The following ZCCHC17 variants were observed in gnomAD, a reference collection of about 807,000 sequenced individuals.
The protein encoded by ZCCHC17 is zinc finger CCHC-type containing 17.
ZCCHC17 carries 18 observed loss-of-function variants against 30.6 expected under a neutral mutation model. That is an observed-to-expected ratio of 0.59 (90% confidence interval 0.41 to 0.87). ZCCHC17 has a LOEUF of 0.87. ZCCHC17 is among the 40% of genes least tolerant of loss of function. The probability of loss-of-function intolerance (pLI) is 0.00; values close to 1 mark genes in which losing one functional copy is unlikely to be tolerated. For synonymous variants in ZCCHC17, 88 were observed against 92.4 expected, an observed-to-expected ratio of 0.95 and a Z score of 0.27; for missense variants, 263 against 284.2, an observed-to-expected ratio of 0.93 and a Z score of 0.54.
chr1:31,308,694 A>G (rs1569753938), intron 1 of ZCCHC17, among the ~76,000 whole-genome samples: 1 of 152,206 alleles, frequency 6.6e-6, no homozygotes, highest in Admixed American at 6.5e-5. Flanking sequence ...TAAGATCAGG[A>G]GGCTGAGCAA....
At chr1:31,320,600 C>T (rs1646838774) in intron 3 of ZCCHC17, among the ~76,000 whole-genome samples, 1 of 152,228 alleles carries the variant, frequency 6.6e-6, no homozygotes, top group East Asian at 1.9e-4. Flanking sequence ...TGACTTCTTT[C>T]ACTTAGCACG....
At position 31,317,122 on chromosome 1, in the gene ZCCHC17, T is replaced by C. The variant is rs547779320; in HGVS notation, c.67-1987T>C. The stretch of plus-strand genomic sequence containing the variant: ...CTCACTCAACCTCTGCTTCCCAGGT[T>C]CAAGTGATTTTTCTGTCTCAGCCTC... On this transcript the variant is annotated intron_variant, in intron 2 of 7. Transcript: ENST00000344147. Among the ~76,000 whole-genome samples the C allele has an allele frequency of 3.3e-5, 5 of 151,696 alleles. No homozygotes were observed. The East Asian group carries it at 7.8e-4, about 24-fold the overall frequency.
At chr1:31,341,310 T>G in intron 5 of ZCCHC17, among the ~76,000 whole-genome samples, 1 of 152,140 alleles carries the variant, frequency 6.6e-6, no homozygotes, top group East Asian at 1.9e-4. Flanking sequence ...CAAGTTAGTG[T>G]TGGGAAAAGG....
chr1:31,333,116 T>G (rs1043577916), intron 3 of ZCCHC17: 1 of 152,234 alleles, frequency 6.6e-6, no homozygotes, highest in Non-Finnish European at 1.5e-5. Flanking sequence ...ATAATCATTT[T>G]AAGTTGTTTC....
chr1:31,305,482 G>T (rs1646429721), intron 1 of ZCCHC17, among the ~76,000 whole-genome samples: 1 of 152,074 alleles, frequency 6.6e-6, no homozygotes. Flanking sequence ...TAGAGATAGG[G>T]TTTTACCGTG....
chr1:31,301,717 G>C (rs1051602039), intron 1 of ZCCHC17, among the ~76,000 whole-genome samples: 1 of 152,216 alleles, frequency 6.6e-6, no homozygotes, highest in South Asian at 2.1e-4. Flanking sequence ...TGGCCTAAGA[G>C]TAATAGGTTT....
chr1:31,362,262 T>C lies in ZCCHC17; in HGVS notation c.565-1770T>C, dbSNP rs955532077. 3.3e-5 allele frequency among the ~76,000 whole-genome samples: 5 copies of C among 152,192 alleles called. 1 individual carries two copies. In the South Asian group the frequency reaches 1.0e-3, roughly 32 times the overall value. ...CCTGCTTCAGTGTTCTTTCCACCATTTTTCACAGCCAGCTTCTAAGACCTG... is the reference window on the plus strand; with the variant it reads ...CCTGCTTCAGTGTTCTTTCCACCATCTTTCACAGCCAGCTTCTAAGACCTG... On this transcript the variant is annotated intron_variant, in intron 7 of 7. Coordinates refer to ENST00000344147, the MANE Select transcript of ZCCHC17 (RefSeq NM_016505.4).
At chr1:31,308,190 CA>C (rs1646513356) in intron 1 of ZCCHC17, among the ~76,000 whole-genome samples, 1 of 152,150 alleles carries the variant, frequency 6.6e-6, no homozygotes, top group Non-Finnish European at 1.5e-5. Flanking sequence ...CAAGAACTGA[CA>C]AATCTGCCTG....
At chr1:31,312,289 T>A (rs1168974578) in intron 2 of ZCCHC17, among the ~76,000 whole-genome samples, 1 of 152,216 alleles carries the variant, frequency 6.6e-6, no homozygotes, top group African/African-American at 2.4e-5. Flanking sequence ...TATACTTGTT[T>A]AATGTCTATC....
chr1:31,330,096 CTTTTG>C (rs1365976119), intron 3 of ZCCHC17, among the ~76,000 whole-genome samples: 9 of 152,118 alleles, frequency 5.9e-5, no homozygotes, highest in Non-Finnish European at 1.2e-4. Context: ...TAACAGTGAC[CTTTTG>C]TTTTGACATT....
chr1:31,346,725 A>G lies in ZCCHC17; in HGVS notation c.403A>G (p.Lys135Glu). 1 of 1,614,160 alleles carries G rather than the reference A, an allele frequency of 6.2e-7. No homozygotes were observed. The highest frequency in any genetic ancestry group is 8.5e-7 in the Non-Finnish European group (1 of 1,180,032). ...LEAVLNTTCK[K>E]CGCKGHFAKD... Reference sequence around the variant, plus strand: ...GGCTGTCTTGAACACTACCTGCAAGAAGTGTGGCTGTAAAGGTAGGGTGAA... The same window carrying G: ...GGCTGTCTTGAACACTACCTGCAAGGAGTGTGGCTGTAAAGGTAGGGTGAA... Residue 135 changes from lysine (K) to glutamate (E), a missense_variant, in exon 6 of 8, where the codon AAG (lysine) becomes GAG (glutamate). Physicochemically the swap from Lys to Glu is moderately conservative, Grantham distance 56 (BLOSUM62 1). Coordinates refer to ENST00000344147, the MANE Select transcript of ZCCHC17 (RefSeq NM_016505.4).
At chr1:31,330,847 C>A (rs1305711619) in intron 3 of ZCCHC17, among the ~76,000 whole-genome samples, 1 of 152,128 alleles carries the variant, frequency 6.6e-6, no homozygotes, top group East Asian at 1.9e-4. Flanking sequence ...TATATGGTGT[C>A]CTCTACTGCA....
chr1:31,355,131 C>G (rs563991438), intron 7 of ZCCHC17, among the ~76,000 whole-genome samples: 2 of 149,864 alleles, frequency 1.3e-5, no homozygotes, highest in South Asian at 4.2e-4. Flanking sequence ...GCCGAGATTG[C>G]GCCACTGCAC....
At chr1:31,339,161 T>A in intron 5 of ZCCHC17, 113 bp downstream of exon 5, 1 of 754,864 alleles carries the variant, frequency 1.3e-6, no homozygotes, top group Non-Finnish European at 2.1e-6. Context: ...GTGATATTGA[T>A]AAGTTACGTA....
In ZCCHC17 at chr1:31,348,713, AC is replaced by A. The variant is rs1232360407; in HGVS notation, c.419-115del. 17 of 1,257,832 alleles carry A rather than the reference AC, an allele frequency of 1.4e-5. No homozygotes were observed. The South Asian group carries it at 2.0e-4, about 15-fold the overall frequency. The allele number at this position is 1,257,832 out of a possible 1,614,324, so 77.9% of individuals were successfully genotyped here. ...TGAATCAAACAGCTGCTTTGAATGA[AC>A]TCAACAATATTTCCTGAGCCAGCTA... is the stretch of plus-strand genomic sequence containing the variant. On this transcript the variant is annotated intron_variant, in intron 6 of 7. Transcript: ENST00000344147.
intron 3 of ZCCHC17, among the ~76,000 whole-genome samples, chr1:31,326,867 C>T (rs1311544693): frequency 6.6e-6 from 1 of 152,144 alleles, no homozygotes; most frequent in Non-Finnish European, 1.5e-5. Flanking sequence ...AGTTTCTCTG[C>T]CCATAAAGAG....
chr1:31,320,016 A>C (rs1044969047), intron 3 of ZCCHC17, among the ~76,000 whole-genome samples: 3 of 152,220 alleles, frequency 2.0e-5, no homozygotes, highest in Admixed American at 1.3e-4. Context: ...ATAAAGAGCT[A>C]ATACAAAGGG....
chr1:31,313,566 A>G (rs1646657019), intron 2 of ZCCHC17, among the ~76,000 whole-genome samples: 1 of 152,186 alleles, frequency 6.6e-6, no homozygotes, highest in Non-Finnish European at 1.5e-5. Flanking sequence ...TTGTAATATA[A>G]CAGTCAAGAT....
chr1:31,314,709 C>CT (rs369840934), intron 2 of ZCCHC17, among the ~76,000 whole-genome samples: 23 of 149,408 alleles, frequency 1.5e-4, no homozygotes, highest in South Asian at 4.2e-4. Flanking sequence ...CATGAGAATT[C>CT]TTTTTTTTTT....
Sources: gnomAD v4.1 joint callset for allele counts (sites outside exome capture counted in the v4.1 genomes callset) on GRCh38, gnomAD v4.1.1 for gene constraint, MANE v1.5 for transcripts, NCBI Gene and HGNC (gene_info 2026-07-23, HGNC 2026-07-21) for gene names.